CCDC66: variants seen among roughly 807,000 people sequenced by gnomAD.
The protein encoded by CCDC66 is coiled-coil domain-containing protein 66.
CCDC66 carries 133 observed loss-of-function variants against 128.3 expected under a neutral mutation model. The ratio of observed to expected loss-of-function variants is 1.04; its 90% confidence interval spans 0.90 to 1.20. The LOEUF (loss-of-function observed/expected upper bound fraction) is 1.20, where lower values mean the gene tolerates loss of function less well. Ranked by LOEUF, CCDC66 falls within the 50% of genes most tolerant of loss-of-function variation. The pLI is 0.00. For synonymous variants in CCDC66, 387 were observed against 357.0 expected (o/e 1.08, Z -0.95); for missense variants, 1,126 against 1,075.5 (o/e 1.05, Z -0.66).
chr3:56,599,147 AGCT>A (rs2072687222), intron 10 of CCDC66, among the ~76,000 whole-genome samples: 2 of 151,950 alleles, frequency 1.3e-5, no homozygotes, highest in Admixed American at 1.3e-4. Flanking sequence ...CAATCTTGAT[AGCT>A]TGTGTGTCTC....
chr3:56,621,308 T>C lies in CCDC66; in HGVS notation c.2761-224T>C, dbSNP rs143889968. 2.3e-5 allele frequency: 8 copies of C among 346,648 alleles called. No individual in the cohort carries two copies. The East Asian group carries it at 3.3e-4, about 14-fold the overall frequency. The allele number at this position is 346,648 out of a possible 1,614,324, so 21.5% of individuals were successfully genotyped here. A position where few individuals can be genotyped will look rare whatever the true frequency, so the allele number is the denominator to read the frequency against. ...TATGGAGTCTTGAGTTCTAAGAAAA[T>C]TTTCATCCCTATTGATTTTTATGCT... is the stretch of plus-strand genomic sequence containing the variant. On this transcript the variant is annotated intron_variant, in intron 17 of 17. Coordinates refer to ENST00000394672, the MANE Select transcript of CCDC66 (RefSeq NM_001141947.3).
chr3:56,610,282 C>T (rs1245459833), intron 10 of CCDC66, among the ~76,000 whole-genome samples: 3 of 152,094 alleles, frequency 2.0e-5, no homozygotes, highest in Non-Finnish European at 4.4e-5. Flanking sequence ...CTGAGACTTT[C>T]CAGAGCATTT....
At chr3:56,615,816 G>T (rs906790963) in intron 12 of CCDC66, 106 bp from the exon 13 acceptor site, 1 of 921,630 alleles carries the variant, frequency 1.1e-6, no homozygotes, top group East Asian at 3.3e-5. Context: ...TTTTATTGCA[G>T]TGTTCATTCT....
At chr3:56,557,396 T>G in intron 1 of CCDC66, 143 bp downstream of exon 1, 4 of 1,136,302 alleles carry the variant, frequency 3.5e-6, no homozygotes, top group Non-Finnish European at 4.9e-6. Flanking sequence ...AGAGCCCAGT[T>G]CTCGGGTAGA....
rs1274874609 is a variant in CCDC66, at chr3:56,579,573, T to C, written c.936+8271T>C. On this transcript the variant is annotated intron_variant, in intron 7 of 17. Transcript: ENST00000394672. ...GTGCTATAAATTTCCCTCTACACACTGCTTTGAATGTGTCCCAGAGATTCT... is the reference window on the plus strand; with the variant it reads ...GTGCTATAAATTTCCCTCTACACACCGCTTTGAATGTGTCCCAGAGATTCT... Among the ~76,000 whole-genome samples the C allele has an allele frequency of 2.6e-5, 4 of 151,728 alleles. No individual in the cohort carries two copies. In the Admixed American group the frequency reaches 2.7e-4, roughly 10 times the overall value.
intron 10 of CCDC66, among the ~76,000 whole-genome samples, chr3:56,601,779 T>C (rs187296757): frequency 6.6e-6 from 1 of 152,182 alleles, no homozygotes; most frequent in Admixed American, 6.5e-5. Flanking sequence ...TTGTCTGTTA[T>C]TGGTGTATAA....
At chr3:56,621,328 T>G (rs1052490619) in intron 17 of CCDC66, 5 of 381,834 alleles carry the variant, frequency 1.3e-5, no homozygotes, top group Non-Finnish European at 2.3e-5. Context: ...TATTGATTTT[T>G]ATGCTAAAAA....
Position 56,619,490 on chromosome 3 carries a change from GCC to G in CCDC66, c.2599_2600del (p.Pro867PhefsTer21), listed in dbSNP as rs774819365. 1.9e-6 allele frequency: 3 copies of G among 1,613,664 alleles called. No homozygotes were observed. Among genetic ancestry groups the G allele is most frequent in the Non-Finnish European group, 2.5e-6 (3 of 1,179,916 alleles). On this transcript the variant is annotated frameshift_variant, in exon 16 of 18. Transcript: ENST00000394672. LOFTEE classifies it high-confidence loss of function. The stretch of plus-strand genomic sequence containing the variant: ...TTGATCCCGATGCACCATTGTCTGG[GCC>G]TTCAACCCAGGACCCTCAGTACCAA... Reference protein sequence around the residue: ...YLDPDAPLSGPSTQDPQYQNS... With the variant: ...YLDPDAPLSGXSTQDPQYQNS...
chr3:56,583,999 C>T (rs71617294), intron 7 of CCDC66, among the ~76,000 whole-genome samples: 2,740 of 121,136 alleles, frequency 0.023, 99 homozygotes, highest in Middle Eastern at 0.037. Flanking sequence ...CCGGACGGGG[C>T]GGCTGGCCGG....
At chr3:56,599,347 A>G (rs2072731963) in intron 10 of CCDC66, among the ~76,000 whole-genome samples, 1 of 151,636 alleles carries the variant, frequency 6.6e-6, no homozygotes. Context: ...GGTTTTGTTT[A>G]TCTTTTAAAA....
chr3:56,577,179 G>T lies in CCDC66; in HGVS notation c.936+5877G>T, dbSNP rs543616427. 3.3e-5 allele frequency among the ~76,000 whole-genome samples: 5 copies of T among 151,998 alleles called. No individual in the cohort carries two copies. The South Asian group carries it at 1.0e-3, about 32-fold the overall frequency. On this transcript the variant is annotated intron_variant, in intron 7 of 17. Transcript: ENST00000394672. Reference sequence around the variant, plus strand: ...CATTTCTCTGATGGCCAGTGATGATGAGCATTTTTTTCATGTGTCTGTTGG... The same window carrying T: ...CATTTCTCTGATGGCCAGTGATGATTAGCATTTTTTTCATGTGTCTGTTGG...
At chr3:56,602,612 T>C (rs1191702244) in intron 10 of CCDC66, among the ~76,000 whole-genome samples, 1 of 151,948 alleles carries the variant, frequency 6.6e-6, no homozygotes, top group African/African-American at 2.4e-5. Context: ...GTCCTGGACT[T>C]CTTTTGGTTG....
At chr3:56,594,242 C>G (rs2071445969) in intron 10 of CCDC66, among the ~76,000 whole-genome samples, 1 of 150,764 alleles carries the variant, frequency 6.6e-6, no homozygotes, top group Non-Finnish European at 1.5e-5. Context: ...TACAGAAGGT[C>G]TTTAATATAT....
intron 10 of CCDC66, among the ~76,000 whole-genome samples, chr3:56,610,034 C>A (rs1257445571): frequency 6.6e-6 from 1 of 152,194 alleles, no homozygotes; most frequent in African/African-American, 2.4e-5. Context: ...CTTTGGATAA[C>A]CTGATGACAC....
At chr3:56,615,812 T>C (rs948287953) in intron 12 of CCDC66, 110 bp from the exon 13 acceptor site, 1 of 852,796 alleles carries the variant, frequency 1.2e-6, no homozygotes, top group Admixed American at 3.5e-5. Flanking sequence ...AAATTTTTAT[T>C]GCAGTGTTCA....
intron 4 of CCDC66, chr3:56,565,013 A>T (rs2107763047): frequency 5.2e-6 from 1 of 192,618 alleles, no homozygotes; most frequent in East Asian, 1.6e-4. Flanking sequence ...AATTTGCCTA[A>T]TCACGTAGAC....
chr3:56,579,204 T>C (rs192560811), intron 7 of CCDC66, among the ~76,000 whole-genome samples: 16 of 152,014 alleles, frequency 1.1e-4, no homozygotes, highest in Admixed American at 5.9e-4. Flanking sequence ...TAGAGGTGTT[T>C]ATAGTATTCT....
intron 14 of CCDC66, chr3:56,617,841 A>G: frequency 1.7e-6 from 1 of 579,942 alleles, no homozygotes; most frequent in Middle Eastern, 4.3e-4. Context: ...CAGACTAGCA[A>G]CAGAAACAAT....
rs1017785122 is a variant in CCDC66, at chr3:56,581,625, C to T, written c.936+10323C>T. On this transcript the variant is annotated intron_variant, in intron 7 of 17. Transcript: ENST00000394672. ...ATGTCCTTTCTGTTTGCTAGTTTTCCTTCTAACAGTCAGGACCCTCAGCTG... is the reference window on the plus strand; with the variant it reads ...ATGTCCTTTCTGTTTGCTAGTTTTCTTTCTAACAGTCAGGACCCTCAGCTG... Among the ~76,000 whole-genome samples, 3 of 151,820 alleles carry T rather than the reference C, an allele frequency of 2.0e-5. 1 individual carries two copies. Among genetic ancestry groups the T allele is most frequent in the East Asian group, 3.9e-4 (2 of 5,090 alleles).
Sources: allele counts gnomAD v4.1 joint callset (sites outside exome capture counted in the v4.1 genomes callset), GRCh38; gene constraint gnomAD v4.1.1; transcripts MANE v1.5; gene names NCBI Gene and HGNC (gene_info 2026-07-23, HGNC 2026-07-21).